Variants in EHBP1 observed in about 807,000 individuals in gnomAD.
The protein encoded by EHBP1 is EH domain binding protein 1.
Under a neutral mutation model 144.0 loss-of-function variants are expected in EHBP1, and 55 were observed. The ratio of observed to expected loss-of-function variants is 0.38; its 90% confidence interval spans 0.31 to 0.48. The LOEUF is 0.48. Among genes scored for constraint, EHBP1 ranks in the 20% least tolerant of loss-of-function variants. The pLI, the probability that EHBP1 is intolerant of heterozygous loss-of-function variation, is 0.98. For synonymous variants in EHBP1, 469 were observed against 472.7 expected (o/e 0.99, Z 0.10); for missense variants, 1,200 against 1,364.2 (o/e 0.88, Z 1.90).
chr2:62,692,854 T>G (rs1170603942), intron 1 of EHBP1, among the ~76,000 whole-genome samples: 1 of 152,170 alleles, frequency 6.6e-6, no homozygotes, highest in African/African-American at 2.4e-5. Context: ...CATTTATCCT[T>G]TGTGTCACAA....
intron 4 of EHBP1, among the ~76,000 whole-genome samples, chr2:62,766,958 T>TAAAA (rs774238457): frequency 9.4e-6 from 1 of 105,832 alleles, no homozygotes. Flanking sequence ...TGTGCTTCAT[T>TAAAA]AAAAAAAAAA....
intron 1 of EHBP1, among the ~76,000 whole-genome samples, chr2:62,677,041 C>A (rs776399382): frequency 6.6e-6 from 1 of 152,116 alleles, no homozygotes; most frequent in Non-Finnish European, 1.5e-5. Context: ...CACATTCTCG[C>A]AGTCCCAGAT....
At chr2:62,809,718 G>A (rs141157004) in intron 5 of EHBP1, among the ~76,000 whole-genome samples, 2 of 152,216 alleles carry the variant, frequency 1.3e-5, no homozygotes, top group East Asian at 1.9e-4. Flanking sequence ...TGTACTCAAT[G>A]TTTAGTTCCC....
chr2:62,765,519 A>G (rs1016047990), intron 4 of EHBP1, among the ~76,000 whole-genome samples: 1 of 152,128 alleles, frequency 6.6e-6, no homozygotes, highest in Non-Finnish European at 1.5e-5. Flanking sequence ...CACTGAATTA[A>G]CAAAGTGGGT....
chr2:62,935,500 A>G (rs924558494), intron 10 of EHBP1, among the ~76,000 whole-genome samples: 43 of 151,680 alleles, frequency 2.8e-4, no homozygotes, highest in Non-Finnish European at 4.9e-4. Context: ...TCAAATTTTT[A>G]GTTTCTGTTT....
At chr2:63,007,461 A>G (rs2060090577) in intron 19 of EHBP1, among the ~76,000 whole-genome samples, 1 of 151,784 alleles carries the variant, frequency 6.6e-6, no homozygotes, top group Admixed American at 6.6e-5. Context: ...ATGTGTGTGT[A>G]TAAAATATTT....
intron 10 of EHBP1, among the ~76,000 whole-genome samples, chr2:62,890,718 T>C (rs2052387242): frequency 6.6e-6 from 1 of 152,194 alleles, no homozygotes; most frequent in Non-Finnish European, 1.5e-5. Flanking sequence ...TCTCACATAG[T>C]ATTTGAAGTC....
At chr2:62,737,208 C>T (rs1373907203) in intron 2 of EHBP1, among the ~76,000 whole-genome samples, 2 of 152,116 alleles carry the variant, frequency 1.3e-5, no homozygotes, top group Non-Finnish European at 2.9e-5. Flanking sequence ...ATGAGTCAGG[C>T]CTCGTTAAGA....
Position 62,707,114 on chromosome 2 carries a change from C to T in EHBP1, c.-78C>T, listed in dbSNP as rs1221651782. The T allele has an allele frequency of 2.9e-5, 33 of 1,135,342 alleles. No individual in the cohort carries two copies. The highest frequency in any genetic ancestry group is 4.1e-5 in the Non-Finnish European group (31 of 749,728). The allele number at this position is 1,135,342 out of a possible 1,614,324, so 70.3% of individuals were successfully genotyped here. A position where few individuals can be genotyped will look rare whatever the true frequency, so the allele number is the denominator to read the frequency against. ...TTTAAAAGACATACATGCAAAGTTCCTTTGCTTTGGACCCTCTGCATTATT... is the reference window on the plus strand; with the variant it reads ...TTTAAAAGACATACATGCAAAGTTCTTTTGCTTTGGACCCTCTGCATTATT... On this transcript the variant is annotated 5_prime_UTR_variant, in exon 2 of 23. Transcript: ENST00000431489.
chr2:62,841,369 T>C (rs1268345433), intron 7 of EHBP1, among the ~76,000 whole-genome samples: 4 of 148,480 alleles, frequency 2.7e-5, no homozygotes, highest in South Asian at 4.5e-4. Context: ...AGGGATAGCA[T>C]TGGGAGATAT....
intron 5 of EHBP1, among the ~76,000 whole-genome samples, chr2:62,805,666 C>T (rs1211662669): frequency 6.6e-6 from 1 of 151,976 alleles, no homozygotes; most frequent in Non-Finnish European, 1.5e-5. Flanking sequence ...AGGTCCACAC[C>T]ACCACACCTG....
intron 19 of EHBP1, among the ~76,000 whole-genome samples, chr2:63,005,361 C>T (rs1412151908): frequency 6.6e-6 from 1 of 152,194 alleles, no homozygotes; most frequent in East Asian, 1.9e-4. Flanking sequence ...ATATGACTTA[C>T]TGCAGGAGAG....
Position 62,982,147 on chromosome 2 carries a change from G to A in EHBP1, c.2608+2812G>A, listed in dbSNP as rs1396146891. ...GTTGTGTAGAGAACTTTAGGACAAG[G>A]AAGAAGGTAAAATTCCTCTTGAAAT... is the stretch of plus-strand genomic sequence containing the variant. On this transcript the variant is annotated intron_variant, in intron 15 of 22. Coordinates refer to ENST00000431489, the MANE Select transcript of EHBP1 (RefSeq NM_001142616.3). 2.0e-5 allele frequency among the ~76,000 whole-genome samples: 3 copies of A among 152,250 alleles called. No homozygotes were observed. The East Asian group carries it at 5.8e-4, about 29-fold the overall frequency.
chr2:62,708,511 C>A (rs2034817120), intron 2 of EHBP1, among the ~76,000 whole-genome samples: 2 of 152,164 alleles, frequency 1.3e-5, no homozygotes, highest in African/African-American at 4.8e-5. Context: ...TTTAACTTCT[C>A]CGTGATTCAA....
chr2:62,864,687 A>G (rs762111775), intron 8 of EHBP1, 44 bp from the exon 9 acceptor site: 10 of 1,553,218 alleles, frequency 6.4e-6, no homozygotes, highest in Non-Finnish European at 7.9e-6. Context: ...AGAAAATATC[A>G]TATGGTATTC....
At chr2:62,901,137 G>A (rs1053499597) in intron 10 of EHBP1, among the ~76,000 whole-genome samples, 2 of 152,126 alleles carry the variant, frequency 1.3e-5, no homozygotes, top group Non-Finnish European at 1.5e-5. Context: ...GTTGGCAGGT[G>A]TCTTTTTTAA....
rs372172979 is a variant in EHBP1, at chr2:62,789,031, T to A, written c.312+17639T>A. Among the ~76,000 whole-genome samples, 12 of 152,360 alleles carry A rather than the reference T, an allele frequency of 7.9e-5. 1 individual carries two copies. In the South Asian group the frequency reaches 2.5e-3, roughly 32 times the overall value. ...GTCTTTGGCAGCTGTCTTCTTTTAG[T>A]GATCATGAAGAGTTAAACCTTAGAT... On this transcript the variant is annotated intron_variant, in intron 5 of 22. Coordinates refer to ENST00000431489, the MANE Select transcript of EHBP1 (RefSeq NM_001142616.3).
rs552167331 is a variant in EHBP1, at chr2:62,858,978, T to G, written c.635-191T>G. Among the ~76,000 whole-genome samples, 545 of 152,310 alleles carry G rather than the reference T, an allele frequency of 3.6e-3. 1 individual carries two copies. Among genetic ancestry groups the G allele is most frequent in the Middle Eastern group, 0.01 (3 of 294 alleles). On this transcript the variant is annotated intron_variant, in intron 7 of 22. Coordinates refer to ENST00000431489, the MANE Select transcript of EHBP1 (RefSeq NM_001142616.3). ...ATAATTTTCAATTAATACTCAAATG[T>G]TTGTTTTGTTTTGTTTGAAAATGTT...
At chr2:62,971,472 G>A (rs1488175710) in intron 14 of EHBP1, among the ~76,000 whole-genome samples, 1 of 152,116 alleles carries the variant, frequency 6.6e-6, no homozygotes, top group Non-Finnish European at 1.5e-5. Context: ...AAACTGATTT[G>A]TATAGCCCAA....
Sources: gnomAD v4.1 joint callset for allele counts (sites outside exome capture counted in the v4.1 genomes callset) on GRCh38, gnomAD v4.1.1 for gene constraint, MANE v1.5 for transcripts, NCBI Gene and HGNC (gene_info 2026-07-23, HGNC 2026-07-21) for gene names.